CUEDC2: variants seen among roughly 807,000 people sequenced by gnomAD.
The protein encoded by CUEDC2 is CUE domain-containing protein 2.
Under a neutral mutation model 36.0 loss-of-function variants are expected in CUEDC2, and 10 were observed. The observed-to-expected ratio is 0.28, with a 90% CI of 0.17 to 0.47. The LOEUF (loss-of-function observed/expected upper bound fraction) is 0.47, where lower values mean the gene tolerates loss of function less well. Among genes scored for constraint, CUEDC2 ranks in the 20% least tolerant of loss-of-function variants. The pLI, the probability that CUEDC2 is intolerant of heterozygous loss-of-function variation, is 0.99. For missense variants in CUEDC2, 269 were observed against 368.1 expected, an observed-to-expected ratio of 0.73 and a Z score of 2.20; for synonymous variants, 133 against 141.8, an observed-to-expected ratio of 0.94 and a Z score of 0.44.
intron 2 of CUEDC2, 45 bp downstream of exon 2, chr10:102,425,064 GCAGCTC>G: frequency 1.3e-6 from 2 of 1,499,710 alleles, no homozygotes; most frequent in Non-Finnish European, 1.9e-6. Flanking sequence ...GTACTGCCCG[GCAGCTC>G]CAGCTCCAGC....
intron 1 of CUEDC2, among the ~76,000 whole-genome samples, chr10:102,425,727 T>C (rs951722529): frequency 6.6e-6 from 1 of 151,804 alleles, no homozygotes; most frequent in East Asian, 1.9e-4. Context: ...ATGGATTCTC[T>C]CTTCTCGCCC....
chr10:102,425,239 T>C (rs752291896), intron 1 of CUEDC2, 41 bp from the exon 2 acceptor site: 7 of 1,504,306 alleles, frequency 4.7e-6, no homozygotes, highest in South Asian at 3.4e-5. Context: ...TTCTTCTGCC[T>C]GCCCCCACCC....
rs756196969 is a variant in CUEDC2, at chr10:102,424,616, C to T, written c.218+33G>A. On this transcript the variant is annotated intron_variant, in intron 3 of 8. Transcript: ENST00000369937. The surrounding 1 kb of genome is among the most constrained non-coding windows in gnomAD (Gnocchi z 4.2). Reference sequence around the variant, plus strand: ...TCTGCCCACCCCATAATCAGCCAGCCCCTTCCTCCTCCTGGCCCTAGCCAG... The same window carrying T: ...TCTGCCCACCCCATAATCAGCCAGCTCCTTCCTCCTCCTGGCCCTAGCCAG... 6.2e-7 allele frequency: 1 copy of T among 1,614,190 alleles called. No individual in the cohort carries two copies. The highest frequency in any genetic ancestry group is 1.3e-5 in the African/African-American group (1 of 75,052).
chr10:102,423,320 T>C lies in CUEDC2; in HGVS notation c.*106A>G, dbSNP rs2061582322. On this transcript the variant is annotated 3_prime_UTR_variant, in exon 9 of 9. Transcript: ENST00000369937. The surrounding 1 kb of genome is among the most constrained non-coding windows in gnomAD (Gnocchi z 5.6). ...AGGTTAACACTATGGAGCAAAGGAG[T>C]AGAGAAGGGGGACAGGAGTTAGGGG... is the stretch of plus-strand genomic sequence containing the variant. 7.3e-6 allele frequency: 10 copies of C among 1,361,670 alleles called. No individual in the cohort carries two copies. The South Asian group carries it at 1.2e-4, about 17-fold the overall frequency. 84.3% of individuals were successfully genotyped at this position (1,361,670 alleles called of 1,614,324 possible). A position where few individuals can be genotyped will look rare whatever the true frequency, so the allele number is the denominator to read the frequency against.
intron 1 of CUEDC2, among the ~76,000 whole-genome samples, chr10:102,429,975 T>C (rs1179178793): frequency 1.3e-5 from 2 of 150,978 alleles, no homozygotes; most frequent in African/African-American, 4.9e-5. Flanking sequence ...ATTTTTTGTA[T>C]TTTTGGTAGA....
intron 1 of CUEDC2, among the ~76,000 whole-genome samples, chr10:102,427,487 G>A (rs1224888531): frequency 1.3e-5 from 2 of 152,088 alleles, no homozygotes; most frequent in Non-Finnish European, 2.9e-5. Flanking sequence ...ACTCCTCCAA[G>A]GCCATTCTCA....
At chr10:102,425,660 C>G (rs1304025395) in intron 1 of CUEDC2, among the ~76,000 whole-genome samples, 1 of 151,974 alleles carries the variant, frequency 6.6e-6, no homozygotes, top group Non-Finnish European at 1.5e-5. Flanking sequence ...GGCCACCCAC[C>G]CTCTGCACAA....
At chr10:102,430,147 T>TTTTTTTTA (rs369900351) in intron 1 of CUEDC2, among the ~76,000 whole-genome samples, 5 of 120,470 alleles carry the variant, frequency 4.2e-5, no homozygotes, top group Non-Finnish European at 6.7e-5. Flanking sequence ...TTTTTTTTAA[T>TTTTTTTTA]TTTATTTATT....
chr10:102,423,623 A>T lies in CUEDC2; in HGVS notation c.717+34T>A. 6.2e-7 allele frequency: 1 copy of T among 1,614,102 alleles called. No individual in the cohort carries two copies. On this transcript the variant is annotated intron_variant, in intron 8 of 8. Coordinates refer to ENST00000369937, the MANE Select transcript of CUEDC2 (RefSeq NM_024040.3). This position sits in a 1 kb window ranked among gnomAD's most constrained non-coding sequence, Gnocchi z 5.6. ...CAGAAGCCAGGAGCCAGTCCCACCC[A>T]TTCCGCATCCCCAGCAACCCTTAAC...
chr10:102,429,720 G>C (rs1056392757), intron 1 of CUEDC2, among the ~76,000 whole-genome samples: 1 of 149,554 alleles, frequency 6.7e-6, no homozygotes, highest in African/African-American at 2.5e-5. Context: ...GACCTACCTC[G>C]ACCCTGGGTT....
In CUEDC2 at chr10:102,424,769, GAGA is replaced by G; in HGVS notation, c.95_97del (p.Phe32del). 1.2e-6 allele frequency: 2 copies of G among 1,613,726 alleles called. No individual in the cohort carries two copies. The highest frequency in any genetic ancestry group is 2.2e-5 in the East Asian group (1 of 44,880). ...GTCCTCCAGGACCCCAAGCACATAG[GAGA>G]AGATGACCTCATCCAAGCCACTGCA... On this transcript the variant is annotated inframe_deletion, in exon 3 of 9. Transcript: ENST00000369937. This position sits in a 1 kb window ranked among gnomAD's most constrained non-coding sequence, Gnocchi z 4.2.
chr10:102,423,892 G>A lies in CUEDC2; in HGVS notation c.595-33C>T, dbSNP rs776390711. 4 of 1,605,578 alleles carry A rather than the reference G, an allele frequency of 2.5e-6. No homozygotes were observed. The South Asian group carries it at 4.4e-5, about 18-fold the overall frequency. On this transcript the variant is annotated intron_variant, in intron 6 of 8. Coordinates refer to ENST00000369937, the MANE Select transcript of CUEDC2 (RefSeq NM_024040.3). The surrounding 1 kb of genome is among the most constrained non-coding windows in gnomAD (Gnocchi z 5.6). ...GAGGGGAGGCCTGGTCTAGGCCCAA[G>A]GGCACCAGCAGGGGAAACAGATGGG...
chr10:102,429,507 A>G (rs2061608968), intron 1 of CUEDC2, among the ~76,000 whole-genome samples: 1 of 151,324 alleles, frequency 6.6e-6, no homozygotes, highest in African/African-American at 2.4e-5. Flanking sequence ...CTATGCTTAC[A>G]GTTGCCTGGT....
Sources: gnomAD v4.1 joint callset for allele counts (sites outside exome capture counted in the v4.1 genomes callset) on GRCh38, gnomAD v4.1.1 for gene constraint, Gnocchi (gnomAD v3.1) non-coding constraint, MANE v1.5 for transcripts, NCBI Gene and HGNC (gene_info 2026-07-23, HGNC 2026-07-21) for gene names.